SLC26A8: variants seen among roughly 807,000 people sequenced by gnomAD.
The protein encoded by SLC26A8 is solute carrier family 26 member 8, also known as testis anion transporter 1.
Under a neutral mutation model 105.0 loss-of-function variants are expected in SLC26A8, and 70 were observed. The ratio of observed to expected loss-of-function variants is 0.67; its 90% CI spans 0.55 to 0.81. SLC26A8 has a LOEUF of 0.81. Ranked by LOEUF, SLC26A8 falls within the 40% of genes least tolerant of loss-of-function variation. The pLI is 0.00. For missense variants in SLC26A8, 998 were observed against 1,181.8 expected (o/e 0.84, Z 2.28); for synonymous variants, 415 against 438.3 (o/e 0.95, Z 0.66).
intron 8 of SLC26A8, among the ~76,000 whole-genome samples, chr6:35,980,751 G>A (rs964802442): frequency 2.6e-5 from 4 of 152,140 alleles, no homozygotes; most frequent in South Asian, 2.1e-4. Context: ...GGTGACTCAC[G>A]CCTGTAATCC....
At chr6:35,985,360 A>G (rs1435409190) in intron 7 of SLC26A8, among the ~76,000 whole-genome samples, 1 of 152,116 alleles carries the variant, frequency 6.6e-6, no homozygotes, top group Non-Finnish European at 1.5e-5. Context: ...GGGTTTACAG[A>G]CTGCTTGAAG....
rs181184480 is a variant in SLC26A8 at position 35,956,649 on chromosome 6, G to T, written c.1864-1129C>A. Among the ~76,000 whole-genome samples, 625 of 152,076 alleles carry T rather than the reference G, an allele frequency of 4.1e-3. 3 individuals are homozygous for T. The highest frequency in any genetic ancestry group is 0.014 in the African/African-American group (595 of 41,486). ...GAAGGGATAAGTAAGGCCAGGCATG[G>T]TGGCTCACACCTGTAATCCCAGAAC... On this transcript the variant is annotated intron_variant, in intron 16 of 19. Transcript: ENST00000490799.
chr6:35,994,769 G>A (rs1207585251), intron 5 of SLC26A8, among the ~76,000 whole-genome samples: 1 of 152,086 alleles, frequency 6.6e-6, no homozygotes, highest in African/African-American at 2.4e-5. Flanking sequence ...TAGAGACAGG[G>A]TTTCGCCAAG....
intron 3 of SLC26A8, 22 bp downstream of exon 3, chr6:36,012,211 A>T (rs780900955): frequency 6.2e-7 from 1 of 1,608,026 alleles, no homozygotes; most frequent in African/African-American, 1.3e-5. Context: ...CTTTGGATGA[A>T]CAGGCTTCAT....
chr6:35,951,023 G>A, intron 19 of SLC26A8, 140 bp downstream of exon 19: 1 of 827,186 alleles, frequency 1.2e-6, no homozygotes, highest in African/African-American at 1.7e-5. Context: ...TTCTGGTACA[G>A]CCATACTAAA....
intron 11 of SLC26A8, among the ~76,000 whole-genome samples, chr6:35,964,488 A>C (rs1055047532): frequency 6.6e-6 from 1 of 152,040 alleles, no homozygotes; most frequent in African/African-American, 2.4e-5. Flanking sequence ...CTCTACTACA[A>C]ATACAAAAAT....
intron 16 of SLC26A8, among the ~76,000 whole-genome samples, chr6:35,956,588 A>G (rs1772070697): frequency 2.0e-5 from 3 of 152,180 alleles, no homozygotes; most frequent in Admixed American, 2.0e-4. Context: ...CATTTACAGG[A>G]ACCAGACTCT....
At chr6:35,984,555 C>T (rs1773416469) in intron 7 of SLC26A8, among the ~76,000 whole-genome samples, 1 of 152,006 alleles carries the variant, frequency 6.6e-6, no homozygotes, top group African/African-American at 2.4e-5. Context: ...AACTCCTGAC[C>T]TCGAGCAATC....
In SLC26A8 at chr6:35,993,624, C is replaced by G. The variant is rs540248017; in HGVS notation, c.628-950G>C. On this transcript the variant is annotated intron_variant, in intron 5 of 19. Coordinates refer to ENST00000490799, the MANE Select transcript of SLC26A8 (RefSeq NM_052961.4). ...ACACAGGATCTAAAAGGATAGACCT[C>G]AAATGATTAACAGGAATTACCTTTG... Among the ~76,000 whole-genome samples the G allele has an allele frequency of 4.3e-4, 66 of 152,172 alleles. No homozygotes were observed. The South Asian group carries it at 6.0e-3, about 14-fold the overall frequency.
At chr6:35,985,705 A>T (rs1773485883) in intron 7 of SLC26A8, among the ~76,000 whole-genome samples, 1 of 148,652 alleles carries the variant, frequency 6.7e-6, no homozygotes, top group Non-Finnish European at 1.5e-5. Context: ...AAAAAAAAAA[A>T]AAAAAAAAAA....
At chr6:35,963,773 T>C (rs1772401755) in intron 11 of SLC26A8, among the ~76,000 whole-genome samples, 1 of 152,206 alleles carries the variant, frequency 6.6e-6, no homozygotes, top group South Asian at 2.1e-4. Context: ...CATTCTCAGA[T>C]GGGATGATAA....
chr6:35,972,237 T>G (rs1772823976), intron 10 of SLC26A8, among the ~76,000 whole-genome samples: 1 of 152,170 alleles, frequency 6.6e-6, no homozygotes, highest in Non-Finnish European at 1.5e-5. Context: ...TAAGAAACTT[T>G]GAAGAAATAG....
At chr6:35,997,994 G>A (rs542182965) in intron 4 of SLC26A8, 75 bp from the exon 5 acceptor site, 1 of 1,363,732 alleles carries the variant, frequency 7.3e-7, no homozygotes, top group African/African-American at 1.4e-5. Context: ...GCAAGGTATG[G>A]TTGAATTCTG....
At chr6:35,974,537 T>C (rs1772922157) in intron 10 of SLC26A8, among the ~76,000 whole-genome samples, 1 of 152,192 alleles carries the variant, frequency 6.6e-6, no homozygotes, top group African/African-American at 2.4e-5. Flanking sequence ...TTATACATTC[T>C]CTAGGCTCTC....
At chr6:35,965,379 G>A (rs548975818) in intron 11 of SLC26A8, among the ~76,000 whole-genome samples, 307 of 152,186 alleles carry the variant, frequency 2.0e-3, no homozygotes, top group African/African-American at 7.0e-3. Context: ...CTTTTAAGAA[G>A]CATTTTTGCT....
Position 36,006,272 on chromosome 6 carries a change from A to C in SLC26A8, c.328+5961T>G, listed in dbSNP as rs1581690535. ...GTAGCTGGGATTACAGGCACATACC[A>C]CTACACCTGGCTAATTTTTGTATTT... On this transcript the variant is annotated intron_variant, in intron 3 of 19. Coordinates refer to ENST00000490799, the MANE Select transcript of SLC26A8 (RefSeq NM_052961.4). 3.3e-5 allele frequency among the ~76,000 whole-genome samples: 5 copies of C among 151,962 alleles called. No homozygotes were observed. In the South Asian group the frequency reaches 8.3e-4, roughly 25 times the overall value.
At chr6:36,013,504 A>T (rs573151888) in intron 2 of SLC26A8, among the ~76,000 whole-genome samples, 1 of 152,252 alleles carries the variant, frequency 6.6e-6, no homozygotes, top group East Asian at 1.9e-4. Flanking sequence ...GATTCTTGCA[A>T]TTGGCAAGTG....
intron 3 of SLC26A8, among the ~76,000 whole-genome samples, chr6:36,005,431 C>T (rs1761658608): frequency 6.6e-6 from 1 of 152,104 alleles, no homozygotes; most frequent in South Asian, 2.1e-4. Context: ...CAATCTATAA[C>T]AGTTCCTTAA....
At chr6:35,961,676 G>A (rs927176887) in intron 12 of SLC26A8, among the ~76,000 whole-genome samples, 9 of 152,288 alleles carry the variant, frequency 5.9e-5, no homozygotes, top group Non-Finnish European at 1.2e-4. Context: ...TCTGTGCAGT[G>A]GACCCGTCCC....
Sources: gnomAD v4.1 joint callset for allele counts (sites outside exome capture counted in the v4.1 genomes callset) on GRCh38, gnomAD v4.1.1 for gene constraint, MANE v1.5 for transcripts, NCBI Gene and HGNC (gene_info 2026-07-23, HGNC 2026-07-21) for gene names.